The following IMMP2L variants were observed in gnomAD, a reference collection of about 807,000 sequenced individuals.
The protein encoded by IMMP2L is inner mitochondrial membrane peptidase subunit 2, also known as mitochondrial inner membrane protease subunit 2.
In IMMP2L, 18 loss-of-function variants were observed where a neutral mutation model predicts 19.3. The observed-to-expected ratio is 0.93, with a 90% confidence interval of 0.64 to 1.38. The LOEUF is 1.38. Among genes scored for constraint, IMMP2L ranks in the 40% most tolerant of loss-of-function variants. IMMP2L has a pLI of 0.00. For synonymous variants in IMMP2L, 76 were observed against 73.0 expected, an observed-to-expected ratio of 1.04 and a Z score of -0.21; for missense variants, 233 against 218.2, an observed-to-expected ratio of 1.07 and a Z score of -0.43.
intron 3 of IMMP2L, among the ~76,000 whole-genome samples, chr7:111,374,234 T>C (rs148681645): frequency 5.3e-5 from 8 of 152,236 alleles, no homozygotes; most frequent in African/African-American, 1.9e-4. Context: ...CTGCTGACAA[T>C]GCATTTGCAT....
chr7:111,525,117 G>C (rs1317053026), intron 1 of IMMP2L, among the ~76,000 whole-genome samples: 1 of 152,142 alleles, frequency 6.6e-6, no homozygotes, highest in Non-Finnish European at 1.5e-5. Flanking sequence ...TGTAATAAGT[G>C]CTATAAGAGA....
intron 3 of IMMP2L, among the ~76,000 whole-genome samples, chr7:111,169,056 G>C (rs1217989052): frequency 6.6e-6 from 1 of 151,884 alleles, no homozygotes; most frequent in African/African-American, 2.4e-5. Context: ...GATAATTTTA[G>C]AACAGTGAGG....
intron 3 of IMMP2L, among the ~76,000 whole-genome samples, chr7:111,065,913 T>TGC (rs1368904289): frequency 8.0e-5 from 12 of 149,436 alleles, no homozygotes; most frequent in South Asian, 4.5e-4. Flanking sequence ...TGTGTGTGTG[T>TGC]GCGCGCGCGT....
intron 1 of IMMP2L, among the ~76,000 whole-genome samples, chr7:111,555,026 C>T (rs957306941): frequency 2.6e-5 from 4 of 152,164 alleles, no homozygotes; most frequent in African/African-American, 9.7e-5. Context: ...CTCCCACTAG[C>T]TTAGCGCTCC....
At chr7:111,052,848 G>A (rs1000754838) in intron 3 of IMMP2L, among the ~76,000 whole-genome samples, 1 of 152,216 alleles carries the variant, frequency 6.6e-6, no homozygotes, top group Non-Finnish European at 1.5e-5. Flanking sequence ...CAGAACAGGT[G>A]CTTCTTTGCC....
chr7:111,214,714 C>T (rs1811747379), intron 3 of IMMP2L, among the ~76,000 whole-genome samples: 2 of 149,902 alleles, frequency 1.3e-5, no homozygotes. Context: ...TAAGAATGTT[C>T]AGCATCTTGT....
chr7:111,258,370 T>C (rs1816953884), intron 3 of IMMP2L, among the ~76,000 whole-genome samples: 1 of 152,126 alleles, frequency 6.6e-6, no homozygotes, highest in Admixed American at 6.6e-5. Flanking sequence ...TAAAATATGT[T>C]CACAAGGTAG....
intron 3 of IMMP2L, among the ~76,000 whole-genome samples, chr7:110,995,623 T>C (rs1822947534): frequency 1.3e-5 from 2 of 152,142 alleles, no homozygotes; most frequent in Non-Finnish European, 2.9e-5. Context: ...TTCAGTTCTT[T>C]CTGGTACAAG....
intron 5 of IMMP2L, 117 bp from the exon 6 acceptor site, chr7:110,663,838 G>T (rs1042853572): frequency 2.9e-5 from 18 of 624,408 alleles, no homozygotes; most frequent in Non-Finnish European, 4.4e-5. Context: ...AAGTGATGAT[G>T]AATAAAAAAA....
At chr7:111,398,825 C>T (rs1030479947) in intron 3 of IMMP2L, among the ~76,000 whole-genome samples, 1 of 151,394 alleles carries the variant, frequency 6.6e-6, no homozygotes, top group Non-Finnish European at 1.5e-5. Flanking sequence ...CTTCTATACA[C>T]CAACAGTGAC....
intron 5 of IMMP2L, among the ~76,000 whole-genome samples, chr7:110,855,060 C>T (rs1806619633): frequency 1.3e-5 from 2 of 151,696 alleles, no homozygotes; most frequent in Admixed American, 1.3e-4. Context: ...TTTAAGAAAA[C>T]ACACCAAGAT....
intron 4 of IMMP2L, among the ~76,000 whole-genome samples, chr7:110,955,233 A>G (rs1295290166): frequency 6.6e-6 from 1 of 152,006 alleles, no homozygotes; most frequent in Admixed American, 6.6e-5. Flanking sequence ...AGTATGGAAA[A>G]TAATCCACCT....
chr7:110,879,625 A>AT (rs1458409650), intron 5 of IMMP2L, among the ~76,000 whole-genome samples: 1 of 152,034 alleles, frequency 6.6e-6, no homozygotes, highest in Non-Finnish European at 1.5e-5. Flanking sequence ...CTATTTCTTG[A>AT]TATCTAGTCA....
At chr7:111,471,704 A>ATG (rs1296153437) in intron 3 of IMMP2L, among the ~76,000 whole-genome samples, 7 of 152,102 alleles carry the variant, frequency 4.6e-5, no homozygotes, top group African/African-American at 1.7e-4. Flanking sequence ...AATCACATAT[A>ATG]TGGCTCACGT....
intron 4 of IMMP2L, among the ~76,000 whole-genome samples, chr7:110,961,467 T>C (rs1818934690): frequency 6.6e-6 from 1 of 151,508 alleles, no homozygotes; most frequent in Non-Finnish European, 1.5e-5. Flanking sequence ...ACAACTATCA[T>C]TTGTTTTCTC....
intron 3 of IMMP2L, among the ~76,000 whole-genome samples, chr7:111,399,945 ATC>A (rs139606240): frequency 0.015 from 2,279 of 152,160 alleles, 76 homozygotes; most frequent in African/African-American, 0.052. Context: ...CATCAATTAT[ATC>A]TATAATATAT....
intron 5 of IMMP2L, among the ~76,000 whole-genome samples, chr7:110,775,974 C>G (rs144977327): frequency 6.9e-6 from 1 of 144,874 alleles, no homozygotes; most frequent in African/African-American, 2.6e-5. Flanking sequence ...TAAAAAAAAA[C>G]GCATGAAAAA....
At chr7:111,539,464 G>A (rs180844264) in intron 1 of IMMP2L, among the ~76,000 whole-genome samples, 1 of 152,086 alleles carries the variant, frequency 6.6e-6, no homozygotes, top group Admixed American at 6.5e-5. Context: ...ATTAACAGCT[G>A]ATTTTTAGGA....
intron 3 of IMMP2L, among the ~76,000 whole-genome samples, chr7:111,398,020 T>A (rs1353569511): frequency 6.6e-6 from 1 of 152,172 alleles, no homozygotes; most frequent in Non-Finnish European, 1.5e-5. Context: ...ATTTAACCCA[T>A]CTGAAATGCA....
Sources: gnomAD v4.1 joint callset for allele counts (sites outside exome capture counted in the v4.1 genomes callset) on GRCh38, gnomAD v4.1.1 for gene constraint, MANE v1.5 for transcripts, NCBI Gene and HGNC (gene_info 2026-07-23, HGNC 2026-07-21) for gene names.